Variants in IL20RB observed in about 807,000 individuals in gnomAD.
IL20RB encodes the protein interleukin-20 receptor subunit beta.
IL20RB carries 21 observed loss-of-function variants against 33.3 expected under a neutral mutation model. The ratio of observed to expected loss-of-function variants is 0.63; its 90% CI spans 0.45 to 0.91. The LOEUF is 0.91. Ranked by LOEUF, IL20RB falls within the 40% of genes least tolerant of loss-of-function variation. IL20RB has a pLI of 0.00. For synonymous variants in IL20RB, 147 were observed against 146.8 expected, an observed-to-expected ratio of 1.00 and a Z score of -0.01; for missense variants, 345 against 384.8, an observed-to-expected ratio of 0.90 and a Z score of 0.86.
At chr3:136,999,333 C>T (rs1245430880) in intron 6 of IL20RB, among the ~76,000 whole-genome samples, 2 of 152,024 alleles carry the variant, frequency 1.3e-5, no homozygotes, top group Non-Finnish European at 1.5e-5. Flanking sequence ...CTGGCTCAAG[C>T]AATCCTCCTG....
At chr3:136,998,908 T>C (rs943775429) in intron 6 of IL20RB, among the ~76,000 whole-genome samples, 6 of 152,184 alleles carry the variant, frequency 3.9e-5, no homozygotes, top group Non-Finnish European at 8.8e-5. Flanking sequence ...TTTAACATCA[T>C]TCCCCTATGT....
chr3:136,987,088 C>T (rs1310620272), intron 3 of IL20RB, among the ~76,000 whole-genome samples: 4 of 152,118 alleles, frequency 2.6e-5, no homozygotes, highest in South Asian at 2.1e-4. Context: ...TTGCAAAGAG[C>T]GAAAGAACAA....
At chr3:136,973,245 A>G (rs1620455) in intron 1 of IL20RB, among the ~76,000 whole-genome samples, 88,564 of 151,486 alleles carry the variant, frequency 0.58, 26,500 homozygotes, top group East Asian at 0.9. Context: ...ACTTTGGGAG[A>G]CCAAGATGGG....
At chr3:136,990,133 G>A (rs758661747) in intron 4 of IL20RB, among the ~76,000 whole-genome samples, 20 of 151,840 alleles carry the variant, frequency 1.3e-4, no homozygotes, top group Non-Finnish European at 2.8e-4. Context: ...TGGGTGGGAG[G>A]CCAGCCCTCA....
At chr3:136,967,286 G>A (rs1484769321) in intron 1 of IL20RB, among the ~76,000 whole-genome samples, 5 of 147,882 alleles carry the variant, frequency 3.4e-5, no homozygotes, top group African/African-American at 1.3e-4. Flanking sequence ...GTCTAATGTT[G>A]ACAGTGGGGT....
intron 3 of IL20RB, among the ~76,000 whole-genome samples, chr3:136,988,306 T>C (rs1941958830): frequency 6.6e-6 from 1 of 152,198 alleles, no homozygotes; most frequent in African/African-American, 2.4e-5. Flanking sequence ...AGAGACTATC[T>C]GTGTGGGCCC....
intron 3 of IL20RB, 109 bp from the exon 4 acceptor site, chr3:136,989,332 C>T (rs1941983193): frequency 7.7e-7 from 1 of 1,304,920 alleles, no homozygotes; most frequent in African/African-American, 1.5e-5. Context: ...AGACTCCCTT[C>T]CTCTCCTACG....
chr3:136,990,037 A>G (rs944544572), intron 4 of IL20RB, among the ~76,000 whole-genome samples: 3 of 151,748 alleles, frequency 2.0e-5, no homozygotes, highest in African/African-American at 7.3e-5. Context: ...TTATGAGTAA[A>G]CCCATCTAAC....
At chr3:137,003,397 T>C (rs1942285705) in intron 6 of IL20RB, among the ~76,000 whole-genome samples, 2 of 152,274 alleles carry the variant, frequency 1.3e-5, no homozygotes, top group Non-Finnish European at 2.9e-5. Flanking sequence ...TCTTCCTATC[T>C]ATGAGCATGG....
At chr3:136,991,111 G>A (rs950117034) in intron 4 of IL20RB, among the ~76,000 whole-genome samples, 4 of 152,178 alleles carry the variant, frequency 2.6e-5, no homozygotes, top group East Asian at 1.9e-4. Context: ...GTGAACAGAC[G>A]GATGGACAGA....
At chr3:137,005,478 G>C (rs1450827866) in intron 6 of IL20RB, among the ~76,000 whole-genome samples, 1 of 152,172 alleles carries the variant, frequency 6.6e-6, no homozygotes, top group Non-Finnish European at 1.5e-5. Context: ...ATTTAGGATA[G>C]CTAACTCTTC....
intron 1 of IL20RB, among the ~76,000 whole-genome samples, chr3:136,974,537 C>CT (rs34879356): frequency 6.6e-6 from 1 of 152,056 alleles, no homozygotes; most frequent in African/African-American, 2.4e-5. Flanking sequence ...AGACTAGATG[C>CT]TTTTTTTCTA....
intron 1 of IL20RB, among the ~76,000 whole-genome samples, chr3:136,958,412 C>T (rs1941101470): frequency 6.6e-6 from 1 of 152,186 alleles, no homozygotes; most frequent in African/African-American, 2.4e-5. Flanking sequence ...TTAATGTCCA[C>T]ACAACAATCT....
intron 4 of IL20RB, 86 bp from the exon 5 acceptor site, chr3:136,991,852 C>G (rs1023136542): frequency 7.0e-7 from 1 of 1,433,452 alleles, no homozygotes. Context: ...TCAGGTGATC[C>G]GCCCGCCTCA....
intron 3 of IL20RB, among the ~76,000 whole-genome samples, chr3:136,987,552 G>C (rs112876607): frequency 6.6e-6 from 1 of 152,358 alleles, no homozygotes; most frequent in East Asian, 1.9e-4. Flanking sequence ...CAGGGCTGCC[G>C]GTGGAGCTGC....
At chr3:136,992,806 G>C (rs971537001) in intron 5 of IL20RB, among the ~76,000 whole-genome samples, 1 of 151,954 alleles carries the variant, frequency 6.6e-6, no homozygotes, top group African/African-American at 2.4e-5. Flanking sequence ...GTCTTGCTCT[G>C]TTGCCTGGGC....
intron 6 of IL20RB, among the ~76,000 whole-genome samples, chr3:136,998,027 C>T (rs1414141170): frequency 6.6e-6 from 1 of 152,042 alleles, no homozygotes; most frequent in African/African-American, 2.4e-5. Context: ...GCCTTGGCCT[C>T]CCAAAGTGCT....
chr3:136,985,264 C>A (rs1418596191), intron 3 of IL20RB, among the ~76,000 whole-genome samples: 1 of 151,846 alleles, frequency 6.6e-6, no homozygotes, highest in Non-Finnish European at 1.5e-5. Flanking sequence ...GCCACTCAGA[C>A]TTCTCCCCAG....
chr3:136,979,392 A>G (rs1333016344), intron 1 of IL20RB, among the ~76,000 whole-genome samples: 2 of 152,212 alleles, frequency 1.3e-5, no homozygotes, highest in African/African-American at 4.8e-5. Flanking sequence ...CAGAGATGAA[A>G]AGTCCCAAAT....
Sources: gnomAD v4.1 joint callset for allele counts (sites outside exome capture counted in the v4.1 genomes callset) on GRCh38, gnomAD v4.1.1 for gene constraint, MANE v1.5 for transcripts, NCBI Gene and HGNC (gene_info 2026-07-23, HGNC 2026-07-21) for gene names.